The following RANBP2 variants were observed in gnomAD, a reference collection of about 807,000 sequenced individuals.
RANBP2 encodes the protein E3 SUMO-protein ligase RanBP2.
RANBP2 carries 57 observed loss-of-function variants against 303.6 expected under a neutral mutation model. The ratio of observed to expected loss-of-function variants is 0.19; its 90% CI spans 0.15 to 0.23. RANBP2 has a LOEUF of 0.23. Among genes scored for constraint, RANBP2 ranks in the 10% least tolerant of loss-of-function variants. The pLI is 1.00. For missense variants in RANBP2, 3,138 were observed against 3,780.8 expected, an observed-to-expected ratio of 0.83 and a Z score of 4.46; for synonymous variants, 1,167 against 1,301.5, an observed-to-expected ratio of 0.90 and a Z score of 2.23.
chr2:109,688,280 C>T, the RANBP2 span, among the ~76,000 whole-genome samples: 1 of 152,118 alleles, frequency 6.6e-6, no homozygotes, highest in East Asian at 1.9e-4. Context: ...GGCAACCCCT[C>T]CCTGGGACAA....
chr2:109,395,048 C>T, the RANBP2 span, among the ~76,000 whole-genome samples: 1 of 152,330 alleles, frequency 6.6e-6, no homozygotes, highest in African/African-American at 2.4e-5. Context: ...AGCTTTATGA[C>T]GTGACTAATT....
the RANBP2 span, among the ~76,000 whole-genome samples, chr2:108,962,903 T>A: frequency 1.1e-4 from 17 of 152,230 alleles, no homozygotes; most frequent in Admixed American, 4.6e-4. Flanking sequence ...AAACAAGAGA[T>A]CTGCAGACAA....
chr2:109,122,727 C>T, the RANBP2 span, among the ~76,000 whole-genome samples: 1 of 152,064 alleles, frequency 6.6e-6, no homozygotes, highest in South Asian at 2.1e-4. Flanking sequence ...AAAAATTAGC[C>T]AGACATGGTG....
the RANBP2 span, among the ~76,000 whole-genome samples, chr2:109,377,993 T>C: frequency 6.6e-6 from 1 of 152,242 alleles, no homozygotes; most frequent in African/African-American, 2.4e-5. Context: ...TACCTCAAAG[T>C]AGTGAGCAGC....
chr2:109,195,668 G>C, the RANBP2 span, among the ~76,000 whole-genome samples: 39 of 152,266 alleles, frequency 2.6e-4, 1 homozygote, highest in African/African-American at 8.9e-4. Context: ...AGAGAGCTCC[G>C]CGTTTGCATC....
chr2:109,129,476 T>C, the RANBP2 span: 1 of 1,494,154 alleles, frequency 6.7e-7, no homozygotes, highest in Non-Finnish European at 8.9e-7. Flanking sequence ...TGGCTGCCGG[T>C]GGCGGGCTCC....
At chr2:109,165,518 G>A in the RANBP2 span, among the ~76,000 whole-genome samples, 3 of 152,200 alleles carry the variant, frequency 2.0e-5, no homozygotes, top group Non-Finnish European at 4.4e-5. Context: ...CAGTAGTTGG[G>A]ACCCAGCTAC....
At chr2:109,549,093 CAT>C in the RANBP2 span, among the ~76,000 whole-genome samples, 11 of 152,226 alleles carry the variant, frequency 7.2e-5, no homozygotes, top group East Asian at 5.8e-4. Flanking sequence ...AAAAAAGTTA[CAT>C]GTTAGGTATG....
chr2:109,200,529 T>A, the RANBP2 span, among the ~76,000 whole-genome samples: 1 of 152,196 alleles, frequency 6.6e-6, no homozygotes, highest in Non-Finnish European at 1.5e-5. Flanking sequence ...CTCTGCCCTG[T>A]GTGCAGAGCC....
chr2:109,278,508 C>T, the RANBP2 span, among the ~76,000 whole-genome samples: 1 of 152,220 alleles, frequency 6.6e-6, no homozygotes, highest in Non-Finnish European at 1.5e-5. Context: ...AAGGATTCAG[C>T]AGAAGGGACA....
chr2:109,429,251 G>A, the RANBP2 span, among the ~76,000 whole-genome samples: 1 of 152,144 alleles, frequency 6.6e-6, no homozygotes, highest in African/African-American at 2.4e-5. Flanking sequence ...AACACGAGCC[G>A]CATGCCAGAA....
At chr2:108,727,291 A>G (rs796779812) in intron 1 of RANBP2, among the ~76,000 whole-genome samples, 2 of 152,332 alleles carry the variant, frequency 1.3e-5, no homozygotes, top group African/African-American at 4.8e-5. Context: ...GCTAAGATCT[A>G]TGGTAAGAAC....
the RANBP2 span, among the ~76,000 whole-genome samples, chr2:109,461,117 C>G: frequency 1.3e-5 from 2 of 152,260 alleles, no homozygotes; most frequent in South Asian, 4.1e-4. Flanking sequence ...ATGTAACTTA[C>G]TGGTGCCTTC....
the RANBP2 span, among the ~76,000 whole-genome samples, chr2:109,689,872 G>C: frequency 6.6e-6 from 1 of 152,096 alleles, no homozygotes; most frequent in Admixed American, 6.6e-5. Context: ...CCAAAAAAAA[G>C]TGATAACTGA....
chr2:109,077,753 A>C, the RANBP2 span, among the ~76,000 whole-genome samples: 2 of 150,186 alleles, frequency 1.3e-5, 1 homozygote, highest in Admixed American at 1.3e-4. Context: ...TCAAAACTAG[A>C]ATGAGATTTC....
chr2:109,648,159 C>G, the RANBP2 span, among the ~76,000 whole-genome samples: 1 of 152,248 alleles, frequency 6.6e-6, no homozygotes, highest in South Asian at 2.1e-4. Flanking sequence ...CGCTTGGGTC[C>G]TCGGGTGGGA....
the RANBP2 span, among the ~76,000 whole-genome samples, chr2:109,577,912 C>CA: frequency 0.032 from 2,948 of 92,050 alleles, 122 homozygotes; most frequent in African/African-American, 0.11. Context: ...GACTTTGTCT[C>CA]AAAAAAAAAA....
At chr2:109,095,956 A>G in the RANBP2 span, among the ~76,000 whole-genome samples, 5 of 152,194 alleles carry the variant, frequency 3.3e-5, no homozygotes. Context: ...GAAGAGACAG[A>G]CTTTGTTGGC....
At chr2:109,090,334 A>ACACC in the RANBP2 span, among the ~76,000 whole-genome samples, 14 of 142,106 alleles carry the variant, frequency 9.9e-5, 1 homozygote, top group Non-Finnish European at 1.7e-4. Context: ...ACACACACAC[A>ACACC]CACACACACA....
Sources: allele counts gnomAD v4.1 joint callset (sites outside exome capture counted in the v4.1 genomes callset), GRCh38; gene constraint gnomAD v4.1.1; transcripts MANE v1.5; gene names NCBI Gene and HGNC (gene_info 2026-07-23, HGNC 2026-07-21).